The following SUCLG2 variants were observed in gnomAD, a reference collection of about 807,000 sequenced individuals.
The protein encoded by SUCLG2 is succinate--CoA ligase [GDP-forming] subunit beta, mitochondrial.
A neutral mutation model predicts 47.9 loss-of-function variants in SUCLG2; 42 were observed. That is an observed-to-expected ratio of 0.88 (90% CI 0.69 to 1.14). SUCLG2 has a LOEUF of 1.14. Among genes scored for constraint, SUCLG2 ranks in the 50% most tolerant of loss-of-function variants. SUCLG2 has a pLI of 0.00. For missense variants in SUCLG2, 571 were observed against 525.9 expected, an observed-to-expected ratio of 1.09 and a Z score of -0.84; for synonymous variants, 195 against 197.3, an observed-to-expected ratio of 0.99 and a Z score of 0.10.
intron 10 of SUCLG2, among the ~76,000 whole-genome samples, chr3:67,397,570 A>G (rs1339326314): frequency 6.6e-6 from 1 of 152,230 alleles, no homozygotes; most frequent in African/African-American, 2.4e-5. Flanking sequence ...GGAAGAATCA[A>G]TATCGTGAAA....
intron 10 of SUCLG2, among the ~76,000 whole-genome samples, chr3:67,368,460 T>A (rs1396944986): frequency 1.3e-5 from 2 of 152,118 alleles, no homozygotes; most frequent in Non-Finnish European, 2.9e-5. Flanking sequence ...ACACCAATTA[T>A]CCTTATGTTG....
chr3:67,576,831 G>A (rs1707754415), intron 2 of SUCLG2, among the ~76,000 whole-genome samples: 1 of 152,214 alleles, frequency 6.6e-6, no homozygotes, highest in Non-Finnish European at 1.5e-5. Flanking sequence ...ACCTGATTCA[G>A]AGCTTGAACA....
chr3:67,514,623 T>C (rs986624190), intron 6 of SUCLG2, among the ~76,000 whole-genome samples: 1 of 152,204 alleles, frequency 6.6e-6, no homozygotes, highest in Non-Finnish European at 1.5e-5. Flanking sequence ...TAAGACACAC[T>C]TGACAAACTT....
intron 2 of SUCLG2, among the ~76,000 whole-genome samples, chr3:67,536,199 G>A (rs1486363093): frequency 4.6e-5 from 7 of 152,084 alleles, no homozygotes; most frequent in Admixed American, 3.3e-4. Context: ...AACTCATGAA[G>A]GTTTCATTTT....
chr3:67,473,607 T>C (rs982880766), intron 9 of SUCLG2, among the ~76,000 whole-genome samples: 3 of 152,150 alleles, frequency 2.0e-5, no homozygotes, highest in African/African-American at 7.2e-5. Flanking sequence ...AGAGTGGATA[T>C]TGCACACTTC....
At chr3:67,504,207 CT>C (rs1553652100) in intron 7 of SUCLG2, among the ~76,000 whole-genome samples, 2 of 132,798 alleles carry the variant, frequency 1.5e-5, no homozygotes, top group Admixed American at 8.2e-5. Context: ...CTTTTTAGAA[CT>C]TTTTTTTAGT....
intron 1 of SUCLG2, among the ~76,000 whole-genome samples, chr3:67,609,956 G>C (rs1700498795): frequency 6.6e-6 from 1 of 152,110 alleles, no homozygotes; most frequent in Non-Finnish European, 1.5e-5. Flanking sequence ...ACATGGGGCT[G>C]CTATACTATT....
At chr3:67,443,986 C>T (rs1703847536) in intron 9 of SUCLG2, among the ~76,000 whole-genome samples, 1 of 122,830 alleles carries the variant, frequency 8.1e-6, no homozygotes, top group African/African-American at 2.8e-5. Context: ...CCCGCCCGGC[C>T]AGCCGCCCCA....
chr3:67,562,813 G>A (rs911723065), intron 2 of SUCLG2, among the ~76,000 whole-genome samples: 4 of 152,108 alleles, frequency 2.6e-5, no homozygotes, highest in Non-Finnish European at 5.9e-5. Flanking sequence ...ATGCTCAGTA[G>A]GTGGTAGTCC....
chr3:67,595,247 C>T (rs541463754), intron 2 of SUCLG2, among the ~76,000 whole-genome samples: 2 of 152,132 alleles, frequency 1.3e-5, no homozygotes, highest in Non-Finnish European at 2.9e-5. Flanking sequence ...GGCAGTGAAT[C>T]GTGAAAGTAG....
intron 7 of SUCLG2, among the ~76,000 whole-genome samples, chr3:67,505,671 G>A (rs114005186): frequency 3.9e-5 from 6 of 152,182 alleles, no homozygotes; most frequent in Non-Finnish European, 7.4e-5. Flanking sequence ...CTACAAAGAG[G>A]TGGGTACAGG....
chr3:67,507,233 T>G (rs186079683), intron 7 of SUCLG2, among the ~76,000 whole-genome samples: 2 of 152,306 alleles, frequency 1.3e-5, no homozygotes, highest in East Asian at 3.9e-4. Context: ...TAAAGGTAGC[T>G]TGTTTATAAA....
At chr3:67,653,747 C>T (rs1308356736) in intron 1 of SUCLG2, among the ~76,000 whole-genome samples, 1 of 152,184 alleles carries the variant, frequency 6.6e-6, no homozygotes, top group Non-Finnish European at 1.5e-5. Flanking sequence ...CAAAACTTTC[C>T]TGAAGTCCTT....
At chr3:67,559,300 A>T (rs929402661) in intron 2 of SUCLG2, among the ~76,000 whole-genome samples, 1 of 152,150 alleles carries the variant, frequency 6.6e-6, no homozygotes, top group African/African-American at 2.4e-5. Flanking sequence ...TAAATATACT[A>T]CCTGAGACTG....
At chr3:67,445,013 C>T (rs1355579027) in intron 9 of SUCLG2, among the ~76,000 whole-genome samples, 1 of 52,284 alleles carries the variant, frequency 1.9e-5, no homozygotes, top group Non-Finnish European at 4.3e-5. Flanking sequence ...CAGCCCCCCG[C>T]CCGGCCAGCC....
intron 9 of SUCLG2, among the ~76,000 whole-genome samples, chr3:67,475,002 T>TA (rs141612730): frequency 1.1e-3 from 156 of 143,000 alleles, no homozygotes; most frequent in African/African-American, 3.3e-3. Flanking sequence ...TTTCCTGGTC[T>TA]AAAAAAAAAA....
rs146969995 is a variant in SUCLG2, at chr3:67,464,339, A to G, written c.1062+31459T>C. ...AGTAAGAAGCCCTCATGGGTGTGCA[A>G]TTTTACAAGCGTGTGTATGCATCCT... On this transcript the variant is annotated intron_variant, in intron 9 of 10. Coordinates refer to ENST00000307227, the MANE Select transcript of SUCLG2 (RefSeq NM_003848.4). Among the ~76,000 whole-genome samples, 774 of 152,284 alleles carry G rather than the reference A, an allele frequency of 5.1e-3. 10 individuals are homozygous for G. In the East Asian group the frequency reaches 0.058, roughly 11 times the overall value.
chr3:67,588,938 T>C (rs1708090283), intron 2 of SUCLG2, among the ~76,000 whole-genome samples: 1 of 152,180 alleles, frequency 6.6e-6, no homozygotes. Flanking sequence ...AAATATCCAG[T>C]GGATTTCACT....
intron 1 of SUCLG2, among the ~76,000 whole-genome samples, chr3:67,623,149 G>A (rs1301565415): frequency 6.6e-6 from 1 of 152,140 alleles, no homozygotes; most frequent in Non-Finnish European, 1.5e-5. Flanking sequence ...GTGAGTCTCT[G>A]TGGTGGCAAA....
Sources: gnomAD v4.1 joint callset for allele counts (sites outside exome capture counted in the v4.1 genomes callset) on GRCh38, gnomAD v4.1.1 for gene constraint, MANE v1.5 for transcripts, NCBI Gene and HGNC (gene_info 2026-07-23, HGNC 2026-07-21) for gene names.